LTBP1: variants seen among roughly 807,000 people sequenced by gnomAD.
LTBP1 encodes the protein latent-transforming growth factor beta-binding protein 1.
A neutral mutation model predicts 207.6 loss-of-function variants in LTBP1; 129 were observed. The ratio of observed to expected loss-of-function variants is 0.62; its 90% CI spans 0.54 to 0.72. The LOEUF (loss-of-function observed/expected upper bound fraction) is 0.72, where lower values mean the gene tolerates loss of function less well. LTBP1 is among the 30% of genes least tolerant of loss of function. The pLI, the probability that LTBP1 is intolerant of heterozygous loss-of-function variation, is 0.00. For synonymous variants in LTBP1, 963 were observed against 833.7 expected (o/e 1.16, Z -2.67); for missense variants, 2,281 against 2,217.2 (o/e 1.03, Z -0.58).
At chr2:33,247,116 T>C (rs2149835771) in intron 10 of LTBP1, among the ~76,000 whole-genome samples, 1 of 152,354 alleles carries the variant, frequency 6.6e-6, no homozygotes, top group Non-Finnish European at 1.5e-5. Flanking sequence ...ATTCTGAGCC[T>C]GGGCTTTTGC....
chr2:33,240,153 C>T (rs1489782007), intron 9 of LTBP1, among the ~76,000 whole-genome samples: 1 of 152,156 alleles, frequency 6.6e-6, no homozygotes, highest in African/African-American at 2.4e-5. Context: ...TTACCATTCA[C>T]CCATCATGTT....
chr2:33,394,374 C>T (rs139176625), intron 32 of LTBP1, among the ~76,000 whole-genome samples: 2,096 of 152,204 alleles, frequency 0.014, 49 homozygotes, highest in African/African-American at 0.048. Context: ...CTTGCCCCTG[C>T]CTATGTCCTG....
In LTBP1 at chr2:32,947,527, C is replaced by A; in HGVS notation, c.203C>A (p.Ala68Asp). Residue 68 changes from alanine to aspartate, a missense_variant, in exon 1 of 34, where the codon GCT becomes GAT. Transcript: ENST00000404816. ...GCCAGGTACAGCCGCAGCTCGGCGG[C>A]TGCCGGCGCCCCCAGCCGTGCCTCC... is the stretch of plus-strand genomic sequence containing the variant. Reference protein sequence around the residue: ...LNARYSRSSAAAGAPSRASPG... With the variant: ...LNARYSRSSADAGAPSRASPG... The A allele has an allele frequency of 7.1e-7, 1 of 1,399,646 alleles. No individual in the cohort carries two copies. 86.7% of individuals were successfully genotyped at this position (1,399,646 alleles called of 1,614,324 possible).
At position 33,166,290 on chromosome 2, in the gene LTBP1, C is replaced by T. The variant is rs1438356675; in HGVS notation, c.1202-20566C>T. On this transcript the variant is annotated intron_variant, in intron 5 of 33. Transcript: ENST00000404816. ...GGTTGCCTTAACTTCAGTATCTAGCCATAAAAGGAAAGGAGAAAGAGAAAC... is the reference window on the plus strand; with the variant it reads ...GGTTGCCTTAACTTCAGTATCTAGCTATAAAAGGAAAGGAGAAAGAGAAAC... Among the ~76,000 whole-genome samples the T allele has an allele frequency of 2.0e-5, 3 of 152,054 alleles. 1 individual carries two copies. The South Asian group carries it at 6.3e-4, about 32-fold the overall frequency.
chr2:33,255,943 A>G (rs2092836769), intron 11 of LTBP1, among the ~76,000 whole-genome samples: 1 of 152,148 alleles, frequency 6.6e-6, no homozygotes, highest in African/African-American at 2.4e-5. Flanking sequence ...CAACACCAAC[A>G]CCAAAGGGAT....
Position 33,217,609 on chromosome 2 carries a change from A to G in LTBP1, c.1759A>G (p.Thr587Ala), listed in dbSNP as rs1277997956. 5 of 1,613,736 alleles carry G rather than the reference A, an allele frequency of 3.1e-6. No homozygotes were observed. Among genetic ancestry groups the G allele is most frequent in the Non-Finnish European group, 2.5e-6 (3 of 1,179,856 alleles). The change falls in exon 8 of 34, where the codon ACC becomes GCC. Residue 587 changes from threonine to alanine, a missense_variant. Physicochemically the swap from Thr to Ala is moderately conservative, Grantham distance 58. This residue lies in a region of LTBP1 where 1,671 missense variants were observed against 1,634.8 expected (regional missense o/e 1.02). Coordinates refer to ENST00000404816, the MANE Select transcript of LTBP1 (RefSeq NM_206943.4). Reference sequence around the variant, plus strand: ...AGAGGACTGCTGTGGAACTGTGGGTACCTCCTGGGGCTTTAACAAATGCCA... The same window carrying G: ...AGAGGACTGCTGTGGAACTGTGGGTGCCTCCTGGGGCTTTAACAAATGCCA... Reference protein sequence around the residue: ...KQEDCCGTVGTSWGFNKCQKC... With the variant: ...KQEDCCGTVGASWGFNKCQKC...
chr2:33,062,277 AAC>A (rs762801211), intron 3 of LTBP1, among the ~76,000 whole-genome samples: 5 of 151,828 alleles, frequency 3.3e-5, no homozygotes, highest in Non-Finnish European at 5.9e-5. Context: ...TAGTTTTCTT[AAC>A]AGTGTCTTTT....
At chr2:32,971,948 A>G (rs541944241) in intron 2 of LTBP1, among the ~76,000 whole-genome samples, 1 of 152,018 alleles carries the variant, frequency 6.6e-6, no homozygotes, top group Non-Finnish European at 1.5e-5. Flanking sequence ...TCTGGTTGCT[A>G]GTCTTTTTAT....
At chr2:33,112,348 C>T (rs535617673) in intron 4 of LTBP1, among the ~76,000 whole-genome samples, 1 of 152,288 alleles carries the variant, frequency 6.6e-6, no homozygotes, top group African/African-American at 2.4e-5. Flanking sequence ...GAACTGTGTT[C>T]TGAAAGATGA....
intron 3 of LTBP1, among the ~76,000 whole-genome samples, chr2:33,094,515 G>C (rs2079283042): frequency 6.6e-6 from 1 of 152,136 alleles, no homozygotes; most frequent in South Asian, 2.1e-4. Context: ...GTCCCTTTTA[G>C]CTGTCTGAAC....
At chr2:33,170,360 C>T (rs2085314093) in intron 5 of LTBP1, among the ~76,000 whole-genome samples, 1 of 132,700 alleles carries the variant, frequency 7.5e-6, no homozygotes, top group African/African-American at 2.7e-5. Context: ...ATATCCCGCA[C>T]CTGGCTCAGA....
At chr2:33,382,898 A>T (rs1327147108) in intron 31 of LTBP1, among the ~76,000 whole-genome samples, 1 of 152,186 alleles carries the variant, frequency 6.6e-6, no homozygotes, top group African/African-American at 2.4e-5. Context: ...GTATTCCGGG[A>T]TAAAGAGCAG....
intron 24 of LTBP1, among the ~76,000 whole-genome samples, chr2:33,321,484 A>G (rs1176384049): frequency 1.3e-5 from 2 of 152,162 alleles, no homozygotes; most frequent in Non-Finnish European, 2.9e-5. Context: ...CAAATCAAAA[A>G]AGTAACAAAT....
chr2:33,130,111 T>C lies in LTBP1; in HGVS notation c.1034-4682T>C, dbSNP rs1027311202. Among the ~76,000 whole-genome samples the C allele has an allele frequency of 3.3e-5, 5 of 152,238 alleles. 1 individual carries two copies. The highest frequency in any genetic ancestry group is 7.3e-5 in the Non-Finnish European group (5 of 68,040). ...CTGTTATTCTAAGCATTATTTAATA[T>C]TTTTATGATTTGTCCTTCAAAGAAT... On this transcript the variant is annotated intron_variant, in intron 4 of 33. Transcript: ENST00000404816.
chr2:33,231,823 C>T (rs545610167), intron 9 of LTBP1, among the ~76,000 whole-genome samples: 1 of 152,172 alleles, frequency 6.6e-6, no homozygotes, highest in East Asian at 1.9e-4. Flanking sequence ...TAATTATGGG[C>T]TTTGTGATAC....
At chr2:33,019,787 C>G (rs141333285) in intron 2 of LTBP1, among the ~76,000 whole-genome samples, 8 of 152,028 alleles carry the variant, frequency 5.3e-5, no homozygotes, top group African/African-American at 1.9e-4. Flanking sequence ...GCTGTGATCA[C>G]GGTCACTGCA....
intron 25 of LTBP1, among the ~76,000 whole-genome samples, chr2:33,343,410 C>CAAAA (rs60879811): frequency 0.054 from 5,255 of 97,036 alleles, 243 homozygotes; most frequent in East Asian, 0.25. Context: ...GACCCTGTCT[C>CAAAA]AAAAAAAAAA....
chr2:33,293,796 A>G (rs2093820340), intron 20 of LTBP1, among the ~76,000 whole-genome samples: 1 of 152,100 alleles, frequency 6.6e-6, no homozygotes, highest in Non-Finnish European at 1.5e-5. Context: ...GTATAATTTT[A>G]TATCTTGCTT....
intron 4 of LTBP1, among the ~76,000 whole-genome samples, chr2:33,127,522 C>T (rs994084438): frequency 3.3e-5 from 5 of 152,216 alleles, no homozygotes; most frequent in African/African-American, 9.7e-5. Context: ...TCATTTCCAA[C>T]CCCCGTATTC....
Sources: gnomAD v4.1 joint callset for allele counts (sites outside exome capture counted in the v4.1 genomes callset) on GRCh38, gnomAD v4.1.1 for gene constraint, gnomAD v4.1.1 regional missense constraint, MANE v1.5 for transcripts, NCBI Gene and HGNC (gene_info 2026-07-23, HGNC 2026-07-21) for gene names.